The following ABCA7 variants were observed in gnomAD, a reference collection of about 807,000 sequenced individuals.
ABCA7 encodes the protein phospholipid-transporting ATPase ABCA7.
A neutral mutation model predicts 227.6 loss-of-function variants in ABCA7; 261 were observed. The observed-to-expected ratio is 1.15, with a 90% CI of 1.04 to 1.27. The LOEUF (loss-of-function observed/expected upper bound fraction) is 1.27. Ranked by LOEUF, ABCA7 falls within the 50% of genes most tolerant of loss-of-function variation. The pLI is 0.00. For missense variants in ABCA7, 3,331 were observed against 2,924.5 expected (o/e 1.14, Z -3.21); for synonymous variants, 1,488 against 1,279.7 (o/e 1.16, Z -3.47).
chr19:1,057,330 C>T lies in ABCA7; in HGVS notation c.4781C>T (p.Pro1594Leu). Residue 1594 changes from proline (P) to leucine (L), a missense_variant, in exon 35 of 47, where the codon CCA becomes CTA. Transcript: ENST00000263094. ...CCAATGCAGTGTAACTACTTGGTGC[C>T]AGCATGCATCGTGGTGCTCATCTTT... ...FLWDMCNYLV[P>L]ACIVVLIFLA... 1 of 1,613,946 alleles carries T rather than the reference C, an allele frequency of 6.2e-7. No individual in the cohort carries two copies. Among genetic ancestry groups the T allele is most frequent in the Non-Finnish European group, 8.5e-7 (1 of 1,180,028 alleles).
rs371808878 is a variant in ABCA7 at position 1,056,970 on chromosome 19, G to A, written c.4650G>A (p.Pro1550=). The A allele has an allele frequency of 1.1e-5, 17 of 1,613,886 alleles. No homozygotes were observed. Among genetic ancestry groups the A allele is most frequent in the Admixed American group, 3.3e-5 (2 of 60,000 alleles). ...TGGTCTTTGCCATGTCCTTTGTCCC[G>A]GCCAGCTTCACTCTTGTCCTCATTG... ...ICVVFAMSFV[P]ASFTLVLIEE... is the part of the protein sequence containing the mutation. Residue 1550 remains proline, a synonymous_variant, in exon 34 of 47, where the codon CCG becomes CCA. Transcript: ENST00000263094. The surrounding 1 kb of genome is among the most constrained non-coding windows in gnomAD (Gnocchi z 4.3).
intron 10 of ABCA7, 52 bp downstream of exon 10, chr19:1,043,893 G>T (rs571569864): frequency 4.2e-5 from 64 of 1,525,318 alleles, no homozygotes; most frequent in Non-Finnish European, 5.4e-5. Flanking sequence ...GAGGAGGGTA[G>T]ACAGGCCCGG....
At position 1,057,435 on chromosome 19, in the gene ABCA7, G is replaced by GCCC. The variant is rs540005408; in HGVS notation, c.4880+9_4880+11dup. 1 of 1,611,292 alleles carries GCCC rather than the reference G, an allele frequency of 6.2e-7. No homozygotes were observed. Among genetic ancestry groups the GCCC allele is most frequent in the East Asian group, 2.2e-5 (1 of 44,872 alleles). ...CTGTTGCTACTACTGTATGGGTGAGGCCCCCAGTCCCTCAGGGCCTATTCT... is the reference window on the plus strand; with the variant it reads ...CTGTTGCTACTACTGTATGGGTGAGGCCCCCCCCAGTCCCTCAGGGCCTATTCT... On this transcript the variant is annotated splice_region_variant and intron_variant, in intron 35 of 46. Coordinates refer to ENST00000263094, the MANE Select transcript of ABCA7 (RefSeq NM_019112.4).
At chr19:1,043,292 C>G (rs766452448) in intron 8 of ABCA7, 41 bp downstream of exon 8, 1 of 1,611,856 alleles carries the variant, frequency 6.2e-7, no homozygotes, top group African/African-American at 1.3e-5. Context: ...GGAAGTGGAA[C>G]TCTGGGCAGG....
chr19:1,055,469 G>A, intron 30 of ABCA7, 118 bp downstream of exon 30: 2 of 1,259,590 alleles, frequency 1.6e-6, no homozygotes, highest in Non-Finnish European at 2.1e-6. Flanking sequence ...TGGGGCTACG[G>A]GCTGGGAGTC....
At position 1,054,632 on chromosome 19, in the gene ABCA7, C is replaced by A. The variant is rs201657292; in HGVS notation, c.3789C>A (p.Phe1263Leu). Reference sequence around the variant, plus strand: ...TGTTCAGCCTCATCGTGCCTCCTTTCGGGCACTACCCGGCTCTGCGGCTCA... The same window carrying A: ...TGTTCAGCCTCATCGTGCCTCCTTTAGGGCACTACCCGGCTCTGCGGCTCA... ...ALVFSLIVPPFGHYPALRLSP... is the reference protein window; with the variant it reads ...ALVFSLIVPPLGHYPALRLSP... The change falls in exon 28 of 47, where the codon TTC (phenylalanine) becomes TTA (leucine). Residue 1263 changes from phenylalanine (F) to leucine (L), a missense_variant. Coordinates refer to ENST00000263094, the MANE Select transcript of ABCA7 (RefSeq NM_019112.4). This position sits in a 1 kb window ranked among gnomAD's most constrained non-coding sequence, Gnocchi z 4.8. 1.1e-5 allele frequency: 18 copies of A among 1,613,262 alleles called. No homozygotes were observed. In the South Asian group the frequency reaches 2.0e-4, roughly 18 times the overall value.
At chr19:1,047,046 C>T (rs769567041) in intron 14 of ABCA7, 22 bp downstream of exon 14, 26 of 1,552,156 alleles carry the variant, frequency 1.7e-5, no homozygotes, top group South Asian at 3.5e-5. Context: ...TCGGCCTGCC[C>T]GGCTGCAGAA....
chr19:1,045,363 T>G, intron 12 of ABCA7, 132 bp downstream of exon 12: 1 of 948,484 alleles, frequency 1.1e-6, no homozygotes, highest in Non-Finnish European at 1.5e-6. Flanking sequence ...AGTGGTATGG[T>G]AGCCAGAGCC....
rs1337143441 is a variant in ABCA7 at position 1,063,589 on chromosome 19, G to A, written c.5758G>A (p.Asp1920Asn). ...GCGTCTGGGACTCTCATGGTACGCA[G>A]ACCGGCCTGCAGGCACCTACAGCGG... ...LARLGLSWYA[D>N]RPAGTYSGGN... is the part of the protein sequence containing the mutation. Residue 1920 changes from aspartate (D) to asparagine (N), a missense_variant, in exon 43 of 47, where the codon GAC becomes AAC. Transcript: ENST00000263094. The A allele has an allele frequency of 1.2e-6, 2 of 1,611,198 alleles. No homozygotes were observed. The highest frequency in any genetic ancestry group is 1.3e-5 in the African/African-American group (1 of 75,042).
rs1189070004 is a variant in ABCA7, at chr19:1,056,286, TC to T, written c.4417-42del. ...AGGTGGGCGTCCTGTCACAGCAAGG[TC>T]CAACCCCATTGCTCTGACCCTATGA... On this transcript the variant is annotated intron_variant, in intron 32 of 46. Coordinates refer to ENST00000263094, the MANE Select transcript of ABCA7 (RefSeq NM_019112.4). The surrounding 1 kb of genome is among the most constrained non-coding windows in gnomAD (Gnocchi z 4.3). The T allele has an allele frequency of 6.2e-7, 1 of 1,602,192 alleles. No individual in the cohort carries two copies.
At position 1,046,959 on chromosome 19, in the gene ABCA7, G is replaced by C; in HGVS notation, c.1780G>C (p.Gly594Arg). 6.3e-7 allele frequency: 1 copy of C among 1,583,266 alleles called. No individual in the cohort carries two copies. The highest frequency in any genetic ancestry group is 2.3e-5 in the East Asian group (1 of 43,718). ...MGLSRAVLWL[G>R]WFLSCLGPFL... ...GCTCAGCCGCGCGGTGCTCTGGCTA[G>C]GCTGGTTCCTCAGCTGCCTCGGGCC... Residue 594 changes from glycine (G) to arginine (R), a missense_variant, in exon 14 of 47, where the codon GGC becomes CGC. By Grantham distance (125) the Gly-to-Arg change is moderately radical (BLOSUM62 -2). Transcript: ENST00000263094.
intron 7 of ABCA7, 81 bp from the exon 8 acceptor site, chr19:1,042,960 C>T: frequency 6.6e-7 from 1 of 1,518,288 alleles, no homozygotes; most frequent in Non-Finnish European, 8.9e-7. Flanking sequence ...GAGGGAGAGG[C>T]TGCCCCTGGC....
Position 1,052,133 on chromosome 19 carries a change from AC to A in ABCA7, c.3147+9del, listed in dbSNP as rs1193392944. The A allele has an allele frequency of 3.1e-6, 5 of 1,611,472 alleles. No homozygotes were observed. Among genetic ancestry groups the A allele is most frequent in the Non-Finnish European group, 3.4e-6 (4 of 1,179,544 alleles). On this transcript the variant is annotated splice_region_variant and intron_variant, in intron 22 of 46. Transcript: ENST00000263094. Reference sequence around the variant, plus strand: ...CCTGACCACCAATGAGAAGGTGGGGACCGGCCTTCTCCTGACCCCTGACCCC... The same window carrying A: ...CCTGACCACCAATGAGAAGGTGGGGACGGCCTTCTCCTGACCCCTGACCCC...
chr19:1,042,104 G>C lies in ABCA7; in HGVS notation c.343G>C (p.Gly115Arg), dbSNP rs1035192467. The part of the protein sequence containing the change: ...LLADARTVLG[G>R]ASAHRTLAGL... ...AGCCGATGCCCGCACTGTGCTGGGA[G>C]GGGCCAGTGCCCACAGGACGCTGGC... Residue 115 changes from glycine (G) to arginine (R), a missense_variant, in exon 5 of 47, where the codon GGG (glycine) becomes CGG (arginine). Coordinates refer to ENST00000263094, the MANE Select transcript of ABCA7 (RefSeq NM_019112.4). 6.3e-7 allele frequency: 1 copy of C among 1,598,720 alleles called. No homozygotes were observed. Among genetic ancestry groups the C allele is most frequent in the East Asian group, 2.2e-5 (1 of 44,720 alleles).
chr19:1,040,578 G>A (rs985685886), intron 1 of ABCA7, among the ~76,000 whole-genome samples: 10 of 152,176 alleles, frequency 6.6e-5, no homozygotes, highest in Non-Finnish European at 1.2e-4. Flanking sequence ...GCAACTTCCT[G>A]CCCCTCTGTC....
At position 1,063,591 on chromosome 19, in the gene ABCA7, C is replaced by A; in HGVS notation, c.5760C>A (p.Asp1920Glu). ...LARLGLSWYA[D>E]RPAGTYSGGN... The stretch of plus-strand genomic sequence containing the variant: ...GTCTGGGACTCTCATGGTACGCAGA[C>A]CGGCCTGCAGGCACCTACAGCGGAG... The change falls in exon 43 of 47, where the codon GAC becomes GAA. Residue 1920 changes from aspartate to glutamate, a missense_variant. Physicochemically the swap from Asp to Glu is conservative, Grantham distance 45. Transcript: ENST00000263094. 1 of 1,611,198 alleles carries A rather than the reference C, an allele frequency of 6.2e-7. No individual in the cohort carries two copies. The highest frequency in any genetic ancestry group is 8.5e-7 in the Non-Finnish European group (1 of 1,179,928).
rs1568377669 is a variant in ABCA7, at chr19:1,056,041, C to G, written c.4239-25C>G. ...CCGGCCCCCCCGGCCCTCAGCTCCCCTTCCCTGCCTGCATGGCCCCACAGA... is the reference window on the plus strand; with the variant it reads ...CCGGCCCCCCCGGCCCTCAGCTCCCGTTCCCTGCCTGCATGGCCCCACAGA... On this transcript the variant is annotated intron_variant, in intron 31 of 46. Coordinates refer to ENST00000263094, the MANE Select transcript of ABCA7 (RefSeq NM_019112.4). This position sits in a 1 kb window ranked among gnomAD's most constrained non-coding sequence, Gnocchi z 4.3. 1 of 1,565,868 alleles carries G rather than the reference C, an allele frequency of 6.4e-7. No individual in the cohort carries two copies. Among genetic ancestry groups the G allele is most frequent in the Non-Finnish European group, 8.7e-7 (1 of 1,151,978 alleles).
chr19:1,063,435 A>C, intron 42 of ABCA7, 109 bp from the exon 43 acceptor site: 1 of 1,446,196 alleles, frequency 6.9e-7, no homozygotes, highest in East Asian at 2.3e-5. Context: ...GCCCTGCCCC[A>C]TGCCCATTAT....
At chr19:1,042,457 G>C (rs2040151155) in intron 6 of ABCA7, 60 bp downstream of exon 6, 1 of 1,594,980 alleles carries the variant, frequency 6.3e-7, no homozygotes, top group Non-Finnish European at 8.6e-7. Flanking sequence ...GGATGTCCTG[G>C]CACTGCCCCA....
Sources: gnomAD v4.1 joint callset for allele counts (sites outside exome capture counted in the v4.1 genomes callset) on GRCh38, gnomAD v4.1.1 for gene constraint, Gnocchi (gnomAD v3.1) non-coding constraint, MANE v1.5 for transcripts, NCBI Gene and HGNC (gene_info 2026-07-23, HGNC 2026-07-21) for gene names.